Variants in ATP6V0E1 observed in about 807,000 individuals in gnomAD.
ATP6V0E1 encodes V-type proton ATPase subunit e 1.
ATP6V0E1 carries 4 observed loss-of-function variants against 11.6 expected under a neutral mutation model. That is an observed-to-expected ratio of 0.35 (90% confidence interval 0.17 to 0.79). The LOEUF is 0.79. Ranked by LOEUF, ATP6V0E1 falls within the 30% of genes least tolerant of loss-of-function variation. ATP6V0E1 has a pLI of 0.54. For synonymous variants in ATP6V0E1, 36 were observed against 34.8 expected (o/e 1.04, Z -0.13); for missense variants, 105 against 100.0 (o/e 1.05, Z -0.21).
At chr5:173,009,182 C>T (rs1288343697) in intron 2 of ATP6V0E1, among the ~76,000 whole-genome samples, 2 of 151,548 alleles carry the variant, frequency 1.3e-5, no homozygotes, top group East Asian at 1.9e-4. Flanking sequence ...GCCAAGATTG[C>T]ACCACTGCGC....
At chr5:172,984,043 A>T (rs927211606) in intron 1 of ATP6V0E1, 79 bp downstream of exon 1, 1 of 1,396,620 alleles carries the variant, frequency 7.2e-7, no homozygotes, top group Non-Finnish European at 1.0e-6. Context: ...CACGACCCCC[A>T]CACGGGTCAG....
intron 2 of ATP6V0E1, among the ~76,000 whole-genome samples, chr5:173,014,541 A>G (rs1756375065): frequency 6.7e-6 from 1 of 149,614 alleles, no homozygotes; most frequent in Non-Finnish European, 1.5e-5. Flanking sequence ...TTCAGCCATA[A>G]AAAAAGAATG....
chr5:173,020,870 C>T (rs778908608), intron 3 of ATP6V0E1: 13 of 519,804 alleles, frequency 2.5e-5, no homozygotes, highest in South Asian at 1.4e-4. Flanking sequence ...GCTGTGCTTC[C>T]CCGAGAGTGT....
chr5:173,015,137 G>A (rs1188864308), intron 2 of ATP6V0E1, among the ~76,000 whole-genome samples: 1 of 152,150 alleles, frequency 6.6e-6, no homozygotes, highest in Non-Finnish European at 1.5e-5. Context: ...ATTCCAGAAG[G>A]TCACTTTTTG....
intron 2 of ATP6V0E1, among the ~76,000 whole-genome samples, chr5:173,000,001 G>A (rs900832154): frequency 2.6e-5 from 4 of 152,058 alleles, no homozygotes; most frequent in Admixed American, 2.6e-4. Flanking sequence ...TAAAAAAATT[G>A]AAATTCAAAG....
intron 2 of ATP6V0E1, among the ~76,000 whole-genome samples, chr5:173,011,565 C>A (rs1756326709): frequency 6.6e-6 from 1 of 152,202 alleles, no homozygotes; most frequent in Middle Eastern, 3.4e-3. Context: ...CAGCTTCCCC[C>A]TTCACTAATT....
At chr5:173,020,620 A>T in intron 3 of ATP6V0E1, 1 of 541,830 alleles carries the variant, frequency 1.8e-6, no homozygotes, top group South Asian at 1.5e-5. Context: ...TTAAGCTTGC[A>T]TGCACTCTTT....
intron 2 of ATP6V0E1, among the ~76,000 whole-genome samples, chr5:173,008,324 A>G (rs560842091): frequency 4.1e-4 from 57 of 138,784 alleles, no homozygotes; most frequent in African/African-American, 1.5e-3. Context: ...TTTTTGAGAC[A>G]GAGTCTTGCT....
At chr5:172,987,495 G>T (rs577029822) in intron 1 of ATP6V0E1, among the ~76,000 whole-genome samples, 1 of 151,948 alleles carries the variant, frequency 6.6e-6, no homozygotes, top group South Asian at 2.1e-4. Flanking sequence ...TGTTGGACAG[G>T]CTGGTCTTGA....
intron 2 of ATP6V0E1, among the ~76,000 whole-genome samples, chr5:172,995,914 A>G (rs1279989693): frequency 6.6e-6 from 1 of 152,184 alleles, no homozygotes; most frequent in African/African-American, 2.4e-5. Context: ...ACACCCAGCC[A>G]GGATTTCTTT....
intron 2 of ATP6V0E1, among the ~76,000 whole-genome samples, chr5:173,002,913 A>G (rs1756180275): frequency 6.6e-6 from 1 of 151,884 alleles, no homozygotes; most frequent in South Asian, 2.1e-4. Flanking sequence ...AGCCGGGGAC[A>G]GGGGTATCCC....
At chr5:172,989,931 G>C (rs537802971) in intron 1 of ATP6V0E1, among the ~76,000 whole-genome samples, 1 of 152,238 alleles carries the variant, frequency 6.6e-6, no homozygotes, top group Admixed American at 6.5e-5. Context: ...CTCAACCTGG[G>C]CTCACACAAT....
intron 3 of ATP6V0E1, among the ~76,000 whole-genome samples, chr5:173,027,845 A>G (rs1756587030): frequency 6.6e-6 from 1 of 152,012 alleles, no homozygotes; most frequent in Non-Finnish European, 1.5e-5. Flanking sequence ...AAGGCTGTTG[A>G]TTGGGGTTCA....
At chr5:173,026,223 T>C (rs983015038) in intron 3 of ATP6V0E1, among the ~76,000 whole-genome samples, 1 of 152,152 alleles carries the variant, frequency 6.6e-6, no homozygotes, top group African/African-American at 2.4e-5. Context: ...CTCAAACTCC[T>C]GGGCTCAAGT....
intron 2 of ATP6V0E1, among the ~76,000 whole-genome samples, chr5:172,999,436 G>A (rs918939702): frequency 1.3e-5 from 2 of 151,688 alleles, no homozygotes; most frequent in African/African-American, 4.9e-5. Flanking sequence ...CAATCTTCCT[G>A]CCTCAGCCTC....
chr5:172,998,101 C>T (rs928544599), intron 2 of ATP6V0E1, among the ~76,000 whole-genome samples: 18 of 150,596 alleles, frequency 1.2e-4, no homozygotes, highest in African/African-American at 4.4e-4. Context: ...CCAAGTGATA[C>T]CCTGTCTCAA....
rs1192691698 is a variant in ATP6V0E1 at position 173,023,440 on chromosome 5, C to T, written c.*36+3073C>T. On this transcript the variant is annotated intron_variant, in intron 3 of 3. Coordinates refer to ENST00000519374, the MANE Select transcript of ATP6V0E1 (RefSeq NM_003945.4). Reference sequence around the variant, plus strand: ...CAAACTCCTGACCTCAGGTGATCCACCCGCCTAGGCCTCCCAAAATACTGG... The same window carrying T: ...CAAACTCCTGACCTCAGGTGATCCATCCGCCTAGGCCTCCCAAAATACTGG... 3.3e-5 allele frequency among the ~76,000 whole-genome samples: 5 copies of T among 152,242 alleles called. 1 individual carries two copies. Among genetic ancestry groups the T allele is most frequent in the Admixed American group, 1.3e-4 (2 of 15,290 alleles).
intron 2 of ATP6V0E1, among the ~76,000 whole-genome samples, chr5:173,012,880 C>T (rs1179135806): frequency 6.6e-6 from 1 of 151,894 alleles, no homozygotes; most frequent in African/African-American, 2.4e-5. Flanking sequence ...ACCTCAAAAG[C>T]ACAGGCAACA....
At chr5:173,025,236 C>T (rs755209141) in intron 3 of ATP6V0E1, among the ~76,000 whole-genome samples, 4 of 150,428 alleles carry the variant, frequency 2.7e-5, no homozygotes, top group Non-Finnish European at 5.9e-5. Context: ...AAACCTCCAC[C>T]TCCCAGGTTC....
Sources: allele counts gnomAD v4.1 joint callset (sites outside exome capture counted in the v4.1 genomes callset), GRCh38; gene constraint gnomAD v4.1.1; transcripts MANE v1.5; gene names NCBI Gene and HGNC (gene_info 2026-07-23, HGNC 2026-07-21).